Variants in GALNT13 observed in about 807,000 individuals in gnomAD.
GALNT13 encodes UDP-GalNAc:polypeptide N-acetylgalactosaminyltransferase 13.
A neutral mutation model predicts 64.2 loss-of-function variants in GALNT13; 28 were observed. That is an observed-to-expected ratio of 0.44 (90% CI 0.32 to 0.60). The LOEUF (loss-of-function observed/expected upper bound fraction) is 0.60, where lower values mean the gene tolerates loss of function less well. Among genes scored for constraint, GALNT13 ranks in the 20% least tolerant of loss-of-function variants. The probability of loss-of-function intolerance (pLI) is 0.05; values close to 1 mark genes in which losing one functional copy is unlikely to be tolerated. For synonymous variants in GALNT13, 214 were observed against 224.6 expected (o/e 0.95, Z 0.42); for missense variants, 577 against 669.8 (o/e 0.86, Z 1.53).
chr2:154,436,786 A>G (rs1475316707), intron 11 of GALNT13: 2 of 152,234 alleles, frequency 1.3e-5, no homozygotes, highest in East Asian at 3.8e-4. Flanking sequence ...TGTGAATTGA[A>G]TATATGAAGT....
intron 3 of GALNT13, among the ~76,000 whole-genome samples, chr2:153,959,363 G>C (rs760714069): frequency 6.6e-6 from 1 of 152,078 alleles, no homozygotes; most frequent in Non-Finnish European, 1.5e-5. Context: ...ACACAACAGG[G>C]GACCTCTAAC....
intron 4 of GALNT13, among the ~76,000 whole-genome samples, chr2:154,201,446 C>G (rs1425979331): frequency 6.6e-6 from 1 of 152,070 alleles, no homozygotes; most frequent in African/African-American, 2.4e-5. Flanking sequence ...TGTCTTATAC[C>G]TATTAGCAAT....
chr2:153,582,758 A>C, the GALNT13 span, among the ~76,000 whole-genome samples: 36,455 of 151,988 alleles, frequency 0.24, 4,669 homozygotes, highest in East Asian at 0.44. Flanking sequence ...TGAAATAAAA[A>C]TTAATGGCCT....
At chr2:153,490,303 T>C in the GALNT13 span, among the ~76,000 whole-genome samples, 4 of 152,176 alleles carry the variant, frequency 2.6e-5, no homozygotes, top group Non-Finnish European at 5.9e-5. Flanking sequence ...CAATATTTTT[T>C]AAAAAATGAT....
chr2:154,270,980 A>G (rs947885027), intron 8 of GALNT13, among the ~76,000 whole-genome samples: 7 of 151,984 alleles, frequency 4.6e-5, no homozygotes, highest in South Asian at 2.1e-4. Context: ...ATGTTGGTCA[A>G]TTCACATTTG....
At chr2:153,289,866 A>G in the GALNT13 span, among the ~76,000 whole-genome samples, 1 of 152,024 alleles carries the variant, frequency 6.6e-6, no homozygotes, top group African/African-American at 2.4e-5. Flanking sequence ...TAAGAATCCT[A>G]TTTTCACATG....
chr2:153,965,278 A>G (rs1404134575), intron 3 of GALNT13, among the ~76,000 whole-genome samples: 1 of 152,122 alleles, frequency 6.6e-6, no homozygotes, highest in Non-Finnish European at 1.5e-5. Flanking sequence ...CTATTGTACT[A>G]CCAAACACTA....
the GALNT13 span, among the ~76,000 whole-genome samples, chr2:153,662,348 A>G: frequency 1.3e-5 from 2 of 152,214 alleles, no homozygotes; most frequent in East Asian, 3.9e-4. Flanking sequence ...CGTTTCCTTC[A>G]TTCTCCCACA....
the GALNT13 span, among the ~76,000 whole-genome samples, chr2:153,463,730 T>A: frequency 6.6e-6 from 1 of 152,090 alleles, no homozygotes; most frequent in Non-Finnish European, 1.5e-5. Flanking sequence ...TCAGTGACCA[T>A]CCTTATCTCT....
At chr2:153,674,270 C>A in the GALNT13 span, among the ~76,000 whole-genome samples, 1 of 152,156 alleles carries the variant, frequency 6.6e-6, no homozygotes, top group Non-Finnish European at 1.5e-5. Flanking sequence ...AAGAACAAAG[C>A]TGGAGGCATC....
chr2:153,618,576 T>C, the GALNT13 span, among the ~76,000 whole-genome samples: 1 of 151,962 alleles, frequency 6.6e-6, no homozygotes, highest in African/African-American at 2.4e-5. Context: ...TGCATATTTG[T>C]TGATTTTCTG....
intron 3 of GALNT13, among the ~76,000 whole-genome samples, chr2:154,112,966 C>T (rs978487103): frequency 3.9e-5 from 6 of 152,158 alleles, no homozygotes; most frequent in Admixed American, 3.9e-4. Context: ...AGCCTGATCA[C>T]ATATATACCA....
intron 9 of GALNT13, among the ~76,000 whole-genome samples, chr2:154,334,794 CATGTA>C (rs1460489063): frequency 6.6e-6 from 1 of 152,084 alleles, no homozygotes; most frequent in East Asian, 1.9e-4. Context: ...ATTCCTTTTC[CATGTA>C]ACAGCCAGAG....
the GALNT13 span, among the ~76,000 whole-genome samples, chr2:153,764,778 T>C: frequency 1.3e-5 from 2 of 152,158 alleles, no homozygotes; most frequent in Non-Finnish European, 2.9e-5. Context: ...ATAAATGGTT[T>C]TGTGGGCTAG....
the GALNT13 span, among the ~76,000 whole-genome samples, chr2:153,799,976 A>G: frequency 1.2e-4 from 18 of 150,398 alleles, no homozygotes; most frequent in African/African-American, 4.4e-4. Context: ...GCCTAGAATG[A>G]CTGGCATGGT....
the GALNT13 span, among the ~76,000 whole-genome samples, chr2:153,107,780 G>A: frequency 1.3e-5 from 2 of 152,142 alleles, no homozygotes; most frequent in East Asian, 3.8e-4. Context: ...TGTGGGTGGA[G>A]AGAAATAGCT....
intron 9 of GALNT13, among the ~76,000 whole-genome samples, chr2:154,325,825 A>G (rs1362301309): frequency 6.6e-6 from 1 of 152,116 alleles, no homozygotes; most frequent in Non-Finnish European, 1.5e-5. Context: ...ATGGTATATA[A>G]CTAGCTTAGG....
chr2:153,131,695 T>C, the GALNT13 span, among the ~76,000 whole-genome samples: 1 of 152,308 alleles, frequency 6.6e-6, no homozygotes, highest in South Asian at 2.1e-4. Context: ...GGTGTATTCA[T>C]GTTTTTAAAA....
chr2:153,490,413 C>T, the GALNT13 span, among the ~76,000 whole-genome samples: 1 of 152,152 alleles, frequency 6.6e-6, no homozygotes, highest in South Asian at 2.1e-4. Context: ...CAAAGTCTTG[C>T]TCTGTCACCC....
Sources: allele counts gnomAD v4.1 joint callset (sites outside exome capture counted in the v4.1 genomes callset), GRCh38; gene constraint gnomAD v4.1.1; transcripts MANE v1.5; gene names NCBI Gene and HGNC (gene_info 2026-07-23, HGNC 2026-07-21).